The following ETNK1 variants were observed in gnomAD, a reference collection of about 807,000 sequenced individuals.
The protein encoded by ETNK1 is ethanolamine kinase 1.
ETNK1 carries 8 observed loss-of-function variants against 45.1 expected under a neutral mutation model. The ratio of observed to expected loss-of-function variants is 0.18; its 90% CI spans 0.10 to 0.32. The LOEUF is 0.32. Ranked by LOEUF, ETNK1 falls within the 10% of genes least tolerant of loss-of-function variation. The pLI is 1.00. For missense variants in ETNK1, 302 were observed against 430.6 expected (o/e 0.70, Z 2.64); for synonymous variants, 152 against 151.9 (o/e 1.00, Z -0.01).
chr12:22,634,844 C>T (rs922737788), intron 1 of ETNK1, among the ~76,000 whole-genome samples: 1 of 152,188 alleles, frequency 6.6e-6, no homozygotes, highest in African/African-American at 2.4e-5. Flanking sequence ...CATAAGCCAT[C>T]ACATCTGGCC....
chr12:22,678,356 A>G (rs58491110), intron 6 of ETNK1, among the ~76,000 whole-genome samples: 7,109 of 152,312 alleles, frequency 0.047, 545 homozygotes, highest in African/African-American at 0.16. Context: ...AGTCCAATGT[A>G]AATTTTTCAG....
intron 1 of ETNK1, among the ~76,000 whole-genome samples, chr12:22,629,399 A>G (rs1474044257): frequency 6.6e-6 from 1 of 152,146 alleles, no homozygotes; most frequent in Non-Finnish European, 1.5e-5. Flanking sequence ...TATGTATTCT[A>G]TCATGGAAAT....
intron 3 of ETNK1, among the ~76,000 whole-genome samples, chr12:22,660,614 G>GAAT (rs1592129780): frequency 6.6e-6 from 1 of 151,840 alleles, no homozygotes; most frequent in East Asian, 1.9e-4. Flanking sequence ...GATTTATATT[G>GAAT]CATTCACCCT....
chr12:22,632,657 C>G (rs1303067646), intron 1 of ETNK1, among the ~76,000 whole-genome samples: 3 of 151,946 alleles, frequency 2.0e-5, no homozygotes, highest in African/African-American at 4.8e-5. Flanking sequence ...ACTAAAGGTG[C>G]ATGCCTGCCT....
chr12:22,629,864 C>T (rs1953552698), intron 1 of ETNK1, among the ~76,000 whole-genome samples: 5 of 152,120 alleles, frequency 3.3e-5, no homozygotes, highest in Non-Finnish European at 7.4e-5. Flanking sequence ...TTAGTGATTA[C>T]ATCCAGTTTT....
In ETNK1 at chr12:22,625,215, G is replaced by A; in HGVS notation, c.-216G>A. ...CTCCGACAACAGGAATTTTCTCCGA[G>A]AGCGGGCCGGGCTCAGTTCAGCTGC... On this transcript the variant is annotated 5_prime_UTR_variant, in exon 1 of 8. Coordinates refer to ENST00000266517, the MANE Select transcript of ETNK1 (RefSeq NM_018638.5). The A allele has an allele frequency of 1.2e-6, 2 of 1,610,294 alleles. No individual in the cohort carries two copies. The highest frequency in any genetic ancestry group is 1.7e-6 in the Non-Finnish European group (2 of 1,178,292).
At chr12:22,629,600 TAA>T (rs1953549352) in intron 1 of ETNK1, among the ~76,000 whole-genome samples, 1 of 152,186 alleles carries the variant, frequency 6.6e-6, no homozygotes. Flanking sequence ...ATTGCTGTGT[TAA>T]GTTATGTCTC....
At chr12:22,651,559 A>G (rs942527091) in intron 2 of ETNK1, among the ~76,000 whole-genome samples, 39 of 152,100 alleles carry the variant, frequency 2.6e-4, no homozygotes, top group Middle Eastern at 3.4e-3. Flanking sequence ...TTCTGGCTCC[A>G]GTTGTCACCA....
intron 2 of ETNK1, among the ~76,000 whole-genome samples, chr12:22,655,082 T>A (rs1953921207): frequency 6.6e-6 from 1 of 152,204 alleles, no homozygotes; most frequent in African/African-American, 2.4e-5. Flanking sequence ...TTCTCCTGCC[T>A]CAGCCTCTCT....
chr12:22,679,359 C>T (rs1345165863), intron 6 of ETNK1, among the ~76,000 whole-genome samples: 1 of 152,154 alleles, frequency 6.6e-6, no homozygotes, highest in Admixed American at 6.5e-5. Flanking sequence ...AGAAGGAAGC[C>T]AGAAAACCCA....
intron 1 of ETNK1, among the ~76,000 whole-genome samples, chr12:22,632,994 T>C (rs1251518705): frequency 2.0e-5 from 3 of 152,244 alleles, no homozygotes; most frequent in Non-Finnish European, 4.4e-5. Context: ...CTACTGTTAA[T>C]GGACACCTAG....
chr12:22,639,650 C>T (rs528212223), intron 1 of ETNK1, among the ~76,000 whole-genome samples: 17 of 151,556 alleles, frequency 1.1e-4, no homozygotes, highest in African/African-American at 3.9e-4. Context: ...TCACTCCAAC[C>T]TGGGCAAAAG....
intron 6 of ETNK1, among the ~76,000 whole-genome samples, chr12:22,683,456 G>GA (rs958322564): frequency 3.9e-5 from 6 of 151,912 alleles, no homozygotes; most frequent in Non-Finnish European, 8.8e-5. Flanking sequence ...TCTTTAGGTT[G>GA]AAAAATTTTT....
chr12:22,664,853 C>T (rs535776660), intron 4 of ETNK1, among the ~76,000 whole-genome samples: 35 of 152,102 alleles, frequency 2.3e-4, no homozygotes, highest in African/African-American at 7.5e-4. Context: ...ATAGATAAAA[C>T]GTAATAAGAT....
At chr12:22,673,725 C>T (rs1001297832) in intron 6 of ETNK1, 65 bp downstream of exon 6, 23 of 1,442,076 alleles carry the variant, frequency 1.6e-5, no homozygotes, top group South Asian at 1.3e-4. Context: ...TCTAAATTTT[C>T]GTCATCTTAG....
chr12:22,664,244 G>A (rs2137560980), intron 4 of ETNK1, among the ~76,000 whole-genome samples: 1 of 151,886 alleles, frequency 6.6e-6, no homozygotes, highest in African/African-American at 2.4e-5. Flanking sequence ...CATTTAATAT[G>A]CAAATAATAT....
At chr12:22,655,328 G>GTTTTTT (rs10586779) in intron 2 of ETNK1, among the ~76,000 whole-genome samples, 5 of 122,760 alleles carry the variant, frequency 4.1e-5, no homozygotes, top group Admixed American at 8.1e-5. Context: ...GGGTTTGTTT[G>GTTTTTT]TTTTTTTTTT....
At chr12:22,672,107 A>G (rs1399362213) in intron 5 of ETNK1, among the ~76,000 whole-genome samples, 1 of 152,044 alleles carries the variant, frequency 6.6e-6, no homozygotes, top group Non-Finnish European at 1.5e-5. Flanking sequence ...GGCTTTTGGA[A>G]TATTAGTTCA....
At position 22,643,758 on chromosome 12, in the gene ETNK1, G is replaced by T; in HGVS notation, c.157-5G>T. 6.4e-7 allele frequency: 1 copy of T among 1,562,072 alleles called. No individual in the cohort carries two copies. The highest frequency in any genetic ancestry group is 8.7e-7 in the Non-Finnish European group (1 of 1,151,948). On this transcript the variant is annotated splice_region_variant and splice_polypyrimidine_tract_variant and intron_variant, in intron 1 of 7. Transcript: ENST00000266517. ...TTTCCCATTTTTAAAAAAAATTTTT[G>T]GCAGCTCTTCACAGATGGAATCACA...
Sources: allele counts gnomAD v4.1 joint callset (sites outside exome capture counted in the v4.1 genomes callset), GRCh38; gene constraint gnomAD v4.1.1; transcripts MANE v1.5; gene names NCBI Gene and HGNC (gene_info 2026-07-23, HGNC 2026-07-21).